COQ2: variants seen among roughly 807,000 people sequenced by gnomAD.
COQ2 encodes coenzyme Q2, polyprenyltransferase.
A neutral mutation model predicts 35.7 loss-of-function variants in COQ2; 25 were observed. That is an observed-to-expected ratio of 0.70 (90% CI 0.51 to 0.98). The LOEUF (loss-of-function observed/expected upper bound fraction) is 0.98, where lower values mean the gene tolerates loss of function less well. Among genes scored for constraint, COQ2 ranks in the 50% least tolerant of loss-of-function variants. The pLI, the probability that COQ2 is intolerant of heterozygous loss-of-function variation, is 0.00. For missense variants in COQ2, 488 were observed against 473.5 expected (o/e 1.03, Z -0.28); for synonymous variants, 206 against 186.2 (o/e 1.11, Z -0.86).
intron 2 of COQ2, among the ~76,000 whole-genome samples, chr4:83,277,161 G>A (rs951941037): frequency 7.2e-5 from 11 of 151,916 alleles, no homozygotes; most frequent in Admixed American, 7.2e-4. Context: ...GACTGTAACT[G>A]TACCCCTAAA....
chr4:83,282,659 C>T, intron 1 of COQ2: 1 of 299,708 alleles, frequency 3.3e-6, no homozygotes, highest in Non-Finnish European at 4.9e-6. Flanking sequence ...ATGACAGGCA[C>T]TGTTCTAAGC....
chr4:83,282,836 A>C (rs371683729), intron 1 of COQ2, among the ~76,000 whole-genome samples: 1 of 152,162 alleles, frequency 6.6e-6, no homozygotes, highest in Non-Finnish European at 1.5e-5. Flanking sequence ...TTTGGCTCCA[A>C]AGTTTTGCTC....
chr4:83,283,528 T>C (rs545472943), intron 1 of COQ2: 4 of 985,472 alleles, frequency 4.1e-6, no homozygotes, highest in East Asian at 1.1e-4. Flanking sequence ...TGGAGTATAA[T>C]TTCTTCTCGA....
At chr4:83,279,189 T>C in intron 1 of COQ2, 75 bp from the exon 2 acceptor site, 1 of 1,433,240 alleles carries the variant, frequency 7.0e-7, no homozygotes, top group Non-Finnish European at 9.2e-7. Flanking sequence ...AAACATCACA[T>C]ACCAAAGAAA....
At chr4:83,282,546 A>C in intron 1 of COQ2, 2 of 884,390 alleles carry the variant, frequency 2.3e-6, no homozygotes, top group Non-Finnish European at 2.7e-6. Flanking sequence ...ATTTAGAACC[A>C]AACCATGCAG....
At chr4:83,275,711 T>C (rs1278931241) in intron 2 of COQ2, among the ~76,000 whole-genome samples, 1 of 152,054 alleles carries the variant, frequency 6.6e-6, no homozygotes, top group Non-Finnish European at 1.5e-5. Context: ...GTTTTAACTC[T>C]AGTCAAGAGT....
At chr4:83,282,573 C>A (rs1424674563) in intron 1 of COQ2, 1 of 937,266 alleles carries the variant, frequency 1.1e-6, no homozygotes. Flanking sequence ...ATCTTCCAAA[C>A]ATACACAATC....
At chr4:83,271,592 C>T (rs964491100) in intron 4 of COQ2, among the ~76,000 whole-genome samples, 15 of 152,284 alleles carry the variant, frequency 9.9e-5, no homozygotes, top group African/African-American at 3.4e-4. Flanking sequence ...GCAGGCAGAT[C>T]GCTTGAGCTC....
In COQ2 at chr4:83,279,000, C is replaced by A. The variant is rs752363398; in HGVS notation, c.368G>T (p.Arg123Leu). ...SLFGTGAILM[R>L]GAGCTINDMW... is the part of the protein sequence containing the mutation. ...GTCATTAATAGTACAGCCTGCTCCA[C>A]GCATCAGAATAGCTCCAGTGCCAAA... is the stretch of plus-strand genomic sequence containing the variant. Residue 123 changes from arginine to leucine, a missense_variant, in exon 2 of 7, where the codon CGT becomes CTT. Coordinates refer to ENST00000647002, the MANE Select transcript of COQ2 (RefSeq NM_001358921.2). 6.2e-7 allele frequency: 1 copy of A among 1,608,948 alleles called. No individual in the cohort carries two copies. The highest frequency in any genetic ancestry group is 8.5e-7 in the Non-Finnish European group (1 of 1,177,618).
intron 2 of COQ2, among the ~76,000 whole-genome samples, chr4:83,276,185 G>T (rs1007936624): frequency 6.6e-6 from 1 of 151,158 alleles, no homozygotes; most frequent in African/African-American, 2.4e-5. Flanking sequence ...ATGTTTGTTG[G>T]TTGCTTGTAT....
intron 6 of COQ2, chr4:83,267,133 T>C (rs1272418731): frequency 2.2e-6 from 1 of 453,360 alleles, no homozygotes; most frequent in Non-Finnish European, 4.4e-6. Flanking sequence ...CCAGCACTTT[T>C]GGGAGACCAG....
In COQ2 at chr4:83,284,535, A is replaced by G; in HGVS notation, c.230T>C (p.Leu77Pro). 6.3e-7 allele frequency: 1 copy of G among 1,576,252 alleles called. No homozygotes were observed. Among genetic ancestry groups the G allele is most frequent in the Admixed American group, 1.8e-5 (1 of 55,330 alleles). ...ACCAATGGGCTTGTCCAACCGCATG[A>G]GGCGCAAGTACGGCTGCAGGGGGCG... ...APRPLQPYLR[L>P]MRLDKPIGTW... The change falls in exon 1 of 7, where the codon CTC becomes CCC. Residue 77 changes from leucine (L) to proline (P), a missense_variant. Coordinates refer to ENST00000647002, the MANE Select transcript of COQ2 (RefSeq NM_001358921.2).
intron 6 of COQ2, chr4:83,267,075 T>A (rs558082158): frequency 9.5e-6 from 4 of 420,132 alleles, no homozygotes; most frequent in Admixed American, 6.0e-5. Flanking sequence ...ATATTATTTT[T>A]AAAAAATAAT....
intron 3 of COQ2, among the ~76,000 whole-genome samples, chr4:83,272,861 C>G (rs1327446857): frequency 1.3e-5 from 2 of 152,170 alleles, no homozygotes; most frequent in Admixed American, 1.3e-4. Context: ...CTACCCCTTC[C>G]AGAAATAACC....
chr4:83,282,699 C>T (rs1487193928), intron 1 of COQ2: 1 of 170,220 alleles, frequency 5.9e-6, no homozygotes, highest in East Asian at 1.9e-4. Context: ...ATTTTCGTGA[C>T]CTCATAACGT....
At chr4:83,281,898 C>T (rs1735333401) in intron 1 of COQ2, among the ~76,000 whole-genome samples, 1 of 152,098 alleles carries the variant, frequency 6.6e-6, no homozygotes, top group African/African-American at 2.4e-5. Flanking sequence ...ACTCTGTACT[C>T]CCTAAATCTC....
Position 83,264,038 on chromosome 4 carries a change from AG to A in COQ2, c.*160del, listed in dbSNP as rs1734851904. 1.3e-5 allele frequency: 7 copies of A among 523,992 alleles called. No individual in the cohort carries two copies. In the South Asian group the frequency reaches 1.4e-4, roughly 10 times the overall value. The allele number at this position is 523,992 out of a possible 1,614,324, so 32.5% of individuals were successfully genotyped here. A position where few individuals can be genotyped will look rare whatever the true frequency, so the allele number is the denominator to read the frequency against. ...TGAAGAGTCCCTGGTTTCTGTGACAAGGGGGAATTTTGCTAGCAAATAAGTA... is the reference window on the plus strand; with the variant it reads ...TGAAGAGTCCCTGGTTTCTGTGACAAGGGGAATTTTGCTAGCAAATAAGTA... On this transcript the variant is annotated 3_prime_UTR_variant, in exon 7 of 7. Transcript: ENST00000647002.
At chr4:83,270,765 C>T (rs909168571) in intron 4 of COQ2, among the ~76,000 whole-genome samples, 8 of 152,194 alleles carry the variant, frequency 5.3e-5, no homozygotes, top group African/African-American at 1.9e-4. Context: ...TCATCTCCAT[C>T]TCCAACTCCT....
intron 2 of COQ2, among the ~76,000 whole-genome samples, chr4:83,274,881 C>T (rs1373304651): frequency 6.6e-6 from 1 of 152,134 alleles, no homozygotes; most frequent in African/African-American, 2.4e-5. Context: ...CAGATGGTGT[C>T]ATTTCTATTA....
Sources: allele counts gnomAD v4.1 joint callset (sites outside exome capture counted in the v4.1 genomes callset), GRCh38; gene constraint gnomAD v4.1.1; transcripts MANE v1.5; gene names NCBI Gene and HGNC (gene_info 2026-07-23, HGNC 2026-07-21).